Variants in PCDHGA5 observed in about 807,000 individuals in gnomAD.
PCDHGA5 encodes protocadherin gamma-A5.
PCDHGA5 carries 36 observed loss-of-function variants against 56.7 expected under a neutral mutation model. That is an observed-to-expected ratio of 0.64 (90% CI 0.49 to 0.84). The LOEUF (loss-of-function observed/expected upper bound fraction) is 0.84. Ranked by LOEUF, PCDHGA5 falls within the 40% of genes least tolerant of loss-of-function variation. The pLI is 0.00. For missense variants in PCDHGA5, 1,305 were observed against 1,201.5 expected, an observed-to-expected ratio of 1.09 and a Z score of -1.27; for synonymous variants, 563 against 520.2, an observed-to-expected ratio of 1.08 and a Z score of -1.12.
rs2154576188 is a variant in PCDHGA5 at position 141,477,933 on chromosome 5, T to C, written c.2422-16874T>C. ...GCGGATGCAGGGCACAATGCCTGGCTCTCCTACAGTCTCTTGGGATCCCCT... is the reference window on the plus strand; with the variant it reads ...GCGGATGCAGGGCACAATGCCTGGCCCTCCTACAGTCTCTTGGGATCCCCT... On this transcript the variant is annotated intron_variant, in intron 1 of 3. Coordinates refer to ENST00000518069, the MANE Select transcript of PCDHGA5 (RefSeq NM_018918.3). The surrounding 1 kb of genome is among the most constrained non-coding windows in gnomAD (Gnocchi z 4.9). 1.2e-6 allele frequency: 2 copies of C among 1,614,112 alleles called. No homozygotes were observed. Among genetic ancestry groups the C allele is most frequent in the Non-Finnish European group, 1.7e-6 (2 of 1,180,022 alleles).
chr5:141,494,899 C>T, intron 2 of PCDHGA5, 34 bp downstream of exon 2: 1 of 1,614,116 alleles, frequency 6.2e-7, no homozygotes, highest in Non-Finnish European at 8.5e-7. Context: ...ACCCTCTTCT[C>T]TGCGGCATTT....
At chr5:141,375,095 T>G in intron 1 of PCDHGA5, 1 of 1,613,960 alleles carries the variant, frequency 6.2e-7, no homozygotes. Flanking sequence ...AATAACTATC[T>G]TGGATGTCAA....
At position 141,365,608 on chromosome 5, in the gene PCDHGA5, C is replaced by T; in HGVS notation, c.1278C>T (p.Asp426=). ...SDYNITLTVM[D]HGTPPLSTES... is the part of the protein sequence containing the mutation. Reference sequence around the variant, plus strand: ...ATAATATCACTTTAACCGTCATGGACCATGGAACCCCGCCCCTCTCTACAG... The same window carrying T: ...ATAATATCACTTTAACCGTCATGGATCATGGAACCCCGCCCCTCTCTACAG... The change falls in exon 1 of 4, where the codon GAC becomes GAT. Residue 426 remains aspartate, a synonymous_variant. Coordinates refer to ENST00000518069, the MANE Select transcript of PCDHGA5 (RefSeq NM_018918.3). 11 of 1,613,576 alleles carry T rather than the reference C, an allele frequency of 6.8e-6. No individual in the cohort carries two copies. Among genetic ancestry groups the T allele is most frequent in the Non-Finnish European group, 9.3e-6 (11 of 1,179,876 alleles).
chr5:141,486,816 C>G lies in PCDHGA5; in HGVS notation c.2422-7991C>G. The G allele has an allele frequency of 6.2e-7, 1 of 1,614,252 alleles. No individual in the cohort carries two copies. Among genetic ancestry groups the G allele is most frequent in the East Asian group, 2.2e-5 (1 of 44,884 alleles). ...CGGGGCAACCCACCCCTTAGCAGCACTGTAACAGTTCGTCTATTTGTGCTG... is the reference window on the plus strand; with the variant it reads ...CGGGGCAACCCACCCCTTAGCAGCAGTGTAACAGTTCGTCTATTTGTGCTG... On this transcript the variant is annotated intron_variant, in intron 1 of 3. Coordinates refer to ENST00000518069, the MANE Select transcript of PCDHGA5 (RefSeq NM_018918.3). The surrounding 1 kb of genome is among the most constrained non-coding windows in gnomAD (Gnocchi z 5.0).
intron 1 of PCDHGA5, among the ~76,000 whole-genome samples, chr5:141,472,122 G>A (rs898092092): frequency 6.6e-6 from 1 of 152,176 alleles, no homozygotes; most frequent in African/African-American, 2.4e-5. Flanking sequence ...GAAAATAAAA[G>A]AGAAGTTAAA....
intron 1 of PCDHGA5, among the ~76,000 whole-genome samples, chr5:141,460,992 T>C (rs2099006034): frequency 6.6e-6 from 1 of 151,316 alleles, no homozygotes; most frequent in South Asian, 2.1e-4. Context: ...TGTATATATA[T>C]ATATGTGTAT....
At chr5:141,499,707 T>G (rs1303008532) in intron 2 of PCDHGA5, among the ~76,000 whole-genome samples, 2 of 150,494 alleles carry the variant, frequency 1.3e-5, no homozygotes, top group African/African-American at 2.5e-5. Flanking sequence ...TTTTTTTTTT[T>G]TTTTGGAGAC....
At position 141,477,532 on chromosome 5, in the gene PCDHGA5, CG is replaced by C; in HGVS notation, c.2422-17271del. 6.2e-7 allele frequency: 1 copy of C among 1,614,146 alleles called. No individual in the cohort carries two copies. The highest frequency in any genetic ancestry group is 8.5e-7 in the Non-Finnish European group (1 of 1,180,028). Reference sequence around the variant, plus strand: ...TTTACATTGAAGAAAACAACCTCCCCGGGGCTCCAATACTAAACCTAAGTGT... The same window carrying C: ...TTTACATTGAAGAAAACAACCTCCCCGGGCTCCAATACTAAACCTAAGTGT... On this transcript the variant is annotated intron_variant, in intron 1 of 3. Transcript: ENST00000518069. This position sits in a 1 kb window ranked among gnomAD's most constrained non-coding sequence, Gnocchi z 4.9.
rs369964221 is a variant in PCDHGA5 at position 141,366,213 on chromosome 5, C to G, written c.1883C>G (p.Thr628Arg). Residue 628 changes from threonine (T) to arginine (R), a missense_variant, in exon 1 of 4, where the codon ACA (threonine) becomes AGA (arginine). Coordinates refer to ENST00000518069, the MANE Select transcript of PCDHGA5 (RefSeq NM_018918.3). ...GGGCTGCACACGGGCGAGGTGCGCA[C>G]AGCGCGAGCCCTGCTGGACAGAGAC... Reference protein sequence around the residue: ...AVGLHTGEVRTARALLDRDAL... With the variant: ...AVGLHTGEVRRARALLDRDAL... 2.5e-6 allele frequency: 4 copies of G among 1,613,692 alleles called. No individual in the cohort carries two copies. The African/African-American group carries it at 4.0e-5, about 16-fold the overall frequency.
At chr5:141,470,508 G>A (rs947583701) in intron 1 of PCDHGA5, among the ~76,000 whole-genome samples, 10 of 152,176 alleles carry the variant, frequency 6.6e-5, no homozygotes, top group African/African-American at 2.4e-4. Flanking sequence ...TAATTAGACA[G>A]TTAGCTAATA....
chr5:141,390,388 G>A, intron 1 of PCDHGA5: 1 of 1,423,474 alleles, frequency 7.0e-7, no homozygotes, highest in African/African-American at 1.4e-5. Flanking sequence ...TAGATGTCAT[G>A]GATCATTTTA....
intron 1 of PCDHGA5, chr5:141,414,389 A>G: frequency 1.9e-6 from 3 of 1,613,926 alleles, no homozygotes; most frequent in African/African-American, 2.7e-5. Context: ...ATTGACAGTT[A>G]TTACAGATTG....
intron 1 of PCDHGA5, chr5:141,414,814 A>C (rs1368279926): frequency 6.2e-7 from 1 of 1,614,100 alleles, no homozygotes; most frequent in African/African-American, 1.3e-5. Flanking sequence ...TCCTCCACTC[A>C]GCAGCAACGT....
intron 3 of PCDHGA5, 93 bp downstream of exon 3, chr5:141,505,574 C>G: frequency 6.3e-7 from 1 of 1,593,636 alleles, no homozygotes; most frequent in South Asian, 1.1e-5. Flanking sequence ...GGATGTCAAA[C>G]CTGTGTAGTT....
intron 1 of PCDHGA5, chr5:141,398,966 C>T: frequency 6.2e-7 from 1 of 1,613,962 alleles, no homozygotes; most frequent in Non-Finnish European, 8.5e-7. Flanking sequence ...ATTACTTATT[C>T]CTTCTACAGA....
chr5:141,460,346 ATTTTC>A (rs1049715417), intron 1 of PCDHGA5, among the ~76,000 whole-genome samples: 6 of 151,964 alleles, frequency 3.9e-5, no homozygotes, highest in Non-Finnish European at 8.8e-5. Flanking sequence ...TTTCTCCTAT[ATTTTC>A]TTTTAGAAGT....
chr5:141,438,122 A>T (rs1272350030), intron 1 of PCDHGA5, among the ~76,000 whole-genome samples: 1 of 152,214 alleles, frequency 6.6e-6, no homozygotes, highest in Non-Finnish European at 1.5e-5. Flanking sequence ...CATTCCTAAA[A>T]TATTAATGGC....
Position 141,490,526 on chromosome 5 carries a change from C to T in PCDHGA5, c.2422-4281C>T, listed in dbSNP as rs1270447529. 6.2e-7 allele frequency: 1 copy of T among 1,614,116 alleles called. No homozygotes were observed. Among genetic ancestry groups the T allele is most frequent in the Non-Finnish European group, 8.5e-7 (1 of 1,180,008 alleles). ...ATCATCGAGCTGCTGGCCAGCGATGCTGGTTCACCTTCCCTACACAAACAT... is the reference window on the plus strand; with the variant it reads ...ATCATCGAGCTGCTGGCCAGCGATGTTGGTTCACCTTCCCTACACAAACAT... On this transcript the variant is annotated intron_variant, in intron 1 of 3. Coordinates refer to ENST00000518069, the MANE Select transcript of PCDHGA5 (RefSeq NM_018918.3). The surrounding 1 kb of genome is among the most constrained non-coding windows in gnomAD (Gnocchi z 5.4).
At chr5:141,417,798 C>T in intron 1 of PCDHGA5, 2 of 1,486,472 alleles carry the variant, frequency 1.3e-6, no homozygotes, top group Non-Finnish European at 1.8e-6. Context: ...GCTCTTTTAG[C>T]GCGGTAGAGT....
Sources: gnomAD v4.1 joint callset for allele counts (sites outside exome capture counted in the v4.1 genomes callset) on GRCh38, gnomAD v4.1.1 for gene constraint, Gnocchi (gnomAD v3.1) non-coding constraint, MANE v1.5 for transcripts, NCBI Gene and HGNC (gene_info 2026-07-23, HGNC 2026-07-21) for gene names.